MYT1L: variants seen among roughly 807,000 people sequenced by gnomAD.
The protein encoded by MYT1L is myelin transcription factor 1 like.
A neutral mutation model predicts 126.7 loss-of-function variants in MYT1L; 12 were observed. That is an observed-to-expected ratio of 0.09 (90% CI 0.06 to 0.15). MYT1L has a LOEUF of 0.15. Among genes scored for constraint, MYT1L ranks in the 10% least tolerant of loss-of-function variants. The probability of loss-of-function intolerance (pLI) is 1.00; values close to 1 mark genes in which losing one functional copy is unlikely to be tolerated. For missense variants in MYT1L, 979 were observed against 1,585.2 expected (o/e 0.62, Z 6.49); for synonymous variants, 541 against 604.2 (o/e 0.90, Z 1.53).
At chr2:1,990,471 GA>G (rs1270096819) in intron 5 of MYT1L, among the ~76,000 whole-genome samples, 2 of 152,202 alleles carry the variant, frequency 1.3e-5, no homozygotes, top group African/African-American at 2.4e-5. Flanking sequence ...AAGACAGGAT[GA>G]ACTCAGCACC....
At chr2:1,823,201 C>T (rs1255640489) in intron 21 of MYT1L, among the ~76,000 whole-genome samples, 1 of 152,190 alleles carries the variant, frequency 6.6e-6, no homozygotes, top group Non-Finnish European at 1.5e-5. Flanking sequence ...AGCTTGGCCT[C>T]CCCAGGCAGA....
intron 2 of MYT1L, among the ~76,000 whole-genome samples, chr2:2,282,533 C>T (rs1474411470): frequency 6.6e-6 from 1 of 152,060 alleles, no homozygotes; most frequent in East Asian, 1.9e-4. Context: ...AAAGATAATG[C>T]CCTTCTCAAA....
chr2:1,916,206 T>C (rs2052800992), intron 11 of MYT1L, among the ~76,000 whole-genome samples: 1 of 152,238 alleles, frequency 6.6e-6, no homozygotes, highest in Non-Finnish European at 1.5e-5. Context: ...AAAAACTTCC[T>C]AAGTCCCAAA....
chr2:1,938,911 T>C (rs2056309491), intron 9 of MYT1L, among the ~76,000 whole-genome samples: 1 of 152,254 alleles, frequency 6.6e-6, no homozygotes, highest in South Asian at 2.1e-4. Context: ...ACCTGTGGGT[T>C]CCTATTGTAA....
chr2:2,102,468 A>C (rs2078214750), intron 3 of MYT1L, among the ~76,000 whole-genome samples: 1 of 152,116 alleles, frequency 6.6e-6, no homozygotes, highest in South Asian at 2.1e-4. Flanking sequence ...AGCCCTCTTA[A>C]ACATATCAAT....
intron 2 of MYT1L, among the ~76,000 whole-genome samples, chr2:2,270,139 T>C (rs186204488): frequency 6.6e-6 from 1 of 152,290 alleles, no homozygotes; most frequent in Admixed American, 6.5e-5. Flanking sequence ...CTTCACCTTG[T>C]GGGGATGTGG....
At chr2:2,175,698 T>C (rs1224568164) in intron 2 of MYT1L, among the ~76,000 whole-genome samples, 1 of 152,234 alleles carries the variant, frequency 6.6e-6, no homozygotes, top group African/African-American at 2.4e-5. Flanking sequence ...CTTGCCTCGA[T>C]ACTGTCTGAA....
At chr2:1,869,445 G>T (rs909769373) in intron 18 of MYT1L, among the ~76,000 whole-genome samples, 1 of 152,264 alleles carries the variant, frequency 6.6e-6, no homozygotes, top group Non-Finnish European at 1.5e-5. Context: ...CACGGTGCCG[G>T]TGCACGCATG....
intron 8 of MYT1L, among the ~76,000 whole-genome samples, chr2:1,962,549 C>G (rs1302882073): frequency 1.3e-5 from 2 of 152,168 alleles, no homozygotes; most frequent in Non-Finnish European, 2.9e-5. Context: ...AAGTTTCTCA[C>G]ATCGATCGAG....
chr2:1,868,399 G>A (rs1353691870), intron 18 of MYT1L, among the ~76,000 whole-genome samples: 4 of 152,210 alleles, frequency 2.6e-5, no homozygotes, highest in Non-Finnish European at 5.9e-5. Context: ...CTGTTGTTAT[G>A]TAAGCTATAA....
intron 4 of MYT1L, among the ~76,000 whole-genome samples, chr2:2,039,843 G>A (rs773167638): frequency 5.9e-5 from 9 of 152,158 alleles, no homozygotes; most frequent in African/African-American, 1.2e-4. Flanking sequence ...ACTCTTCCAC[G>A]TGGAATGGCT....
intron 2 of MYT1L, among the ~76,000 whole-genome samples, chr2:2,237,077 G>C (rs1477321088): frequency 1.3e-5 from 2 of 152,038 alleles, no homozygotes; most frequent in African/African-American, 4.8e-5. Flanking sequence ...GCCTCCCAAA[G>C]TGCTGGGATT....
rs1339286463 is a variant in MYT1L at position 1,792,314 on chromosome 2, C to T, written c.3420+7G>A. On this transcript the variant is annotated splice_region_variant and intron_variant, in intron 24 of 24. Transcript: ENST00000647738. ...CACATTCCTGCCTTGCGTGCTCAGTCACTTACCATGTGCGGCAGCTGGATG... is the reference window on the plus strand; with the variant it reads ...CACATTCCTGCCTTGCGTGCTCAGTTACTTACCATGTGCGGCAGCTGGATG... 3.1e-6 allele frequency: 5 copies of T among 1,598,184 alleles called. No individual in the cohort carries two copies. Among genetic ancestry groups the T allele is most frequent in the Admixed American group, 1.7e-5 (1 of 57,696 alleles).
intron 3 of MYT1L, among the ~76,000 whole-genome samples, chr2:2,096,711 G>T (rs2077499144): frequency 1.3e-5 from 2 of 152,114 alleles, no homozygotes; most frequent in African/African-American, 2.4e-5. Context: ...TGGAGAGTGT[G>T]GAGTTATCCT....
At chr2:2,125,665 T>C (rs980688015) in intron 3 of MYT1L, among the ~76,000 whole-genome samples, 2 of 152,120 alleles carry the variant, frequency 1.3e-5, no homozygotes, top group Admixed American at 1.3e-4. Flanking sequence ...ATACAAAATA[T>C]TGTAATTTTG....
In MYT1L at chr2:2,331,037, C is replaced by G. The variant is rs892720959; in HGVS notation, c.-591G>C. The G allele has an allele frequency of 2.0e-5, 3 of 152,078 alleles. No homozygotes were observed. The highest frequency in any genetic ancestry group is 4.4e-5 in the Non-Finnish European group (3 of 68,022). 9.4% of individuals were successfully genotyped at this position (152,078 alleles called of 1,614,324 possible). On this transcript the variant is annotated 5_prime_UTR_variant, in exon 1 of 25. Coordinates refer to ENST00000647738, the MANE Select transcript of MYT1L (RefSeq NM_001303052.2). ...TTGGTAACTGTGCTGGCTCAAAATA[C>G]ACAGACAGGGAAGAAAACCCTGTTC... is the stretch of plus-strand genomic sequence containing the variant.
At chr2:2,239,498 G>C (rs1368945243) in intron 2 of MYT1L, among the ~76,000 whole-genome samples, 1 of 152,188 alleles carries the variant, frequency 6.6e-6, no homozygotes, top group Non-Finnish European at 1.5e-5. Flanking sequence ...GCAGTTACTG[G>C]TTACTTATAG....
chr2:2,180,981 T>TA (rs1179241988), intron 2 of MYT1L, among the ~76,000 whole-genome samples: 5 of 144,794 alleles, frequency 3.5e-5, no homozygotes, highest in Admixed American at 3.4e-4. Flanking sequence ...CCTGTGTGTG[T>TA]ACCTGTGTGT....
intron 4 of MYT1L, among the ~76,000 whole-genome samples, chr2:2,029,487 A>G (rs773840546): frequency 2.0e-5 from 3 of 152,234 alleles, no homozygotes; most frequent in Non-Finnish European, 4.4e-5. Flanking sequence ...CACTACCACA[A>G]GAACAGTATG....
Sources: gnomAD v4.1 joint callset for allele counts (sites outside exome capture counted in the v4.1 genomes callset) on GRCh38, gnomAD v4.1.1 for gene constraint, MANE v1.5 for transcripts, NCBI Gene and HGNC (gene_info 2026-07-23, HGNC 2026-07-21) for gene names.